Variants in NDUFS6 observed in about 807,000 individuals in gnomAD.
The protein encoded by NDUFS6 is NADH dehydrogenase [ubiquinone] iron-sulfur protein 6, mitochondrial.
A neutral mutation model predicts 13.2 loss-of-function variants in NDUFS6; 14 were observed. The ratio of observed to expected loss-of-function variants is 1.06; its 90% CI spans 0.70 to 1.66. NDUFS6 has a LOEUF of 1.66. NDUFS6 is among the 40% of genes most tolerant of loss of function. The pLI, the probability that NDUFS6 is intolerant of heterozygous loss-of-function variation, is 0.00. For synonymous variants in NDUFS6, 95 were observed against 72.3 expected (o/e 1.31, Z -1.60); for missense variants, 206 against 170.8 (o/e 1.21, Z -1.15).
At chr5:1,802,167 C>T in intron 1 of NDUFS6, 154 bp from the exon 2 acceptor site, 2 of 664,526 alleles carry the variant, frequency 3.0e-6, no homozygotes, top group Non-Finnish European at 5.2e-6. Context: ...CTAAAAATGC[C>T]CCTGATTACA....
intron 2 of NDUFS6, among the ~76,000 whole-genome samples, chr5:1,807,261 T>C (rs1166437262): frequency 1.3e-5 from 2 of 151,154 alleles, no homozygotes; most frequent in Non-Finnish European, 2.9e-5. Context: ...AGGTAGCAAG[T>C]AGTTGGTGGT....
Position 1,814,676 on chromosome 5 carries a change from G to A in NDUFS6, c.309+215G>A. On this transcript the variant is annotated intron_variant, in intron 3 of 3. Transcript: ENST00000274137. The surrounding 1 kb of genome is among the most constrained non-coding windows in gnomAD (Gnocchi z 4.9). ...AAAACCCCCTTTCAACTGTGAAGTG[G>A]TGGGCGGCATGTTTCTCTTCTCGGA... The A allele has an allele frequency of 1.3e-6, 1 of 757,708 alleles. No homozygotes were observed. Among genetic ancestry groups the A allele is most frequent in the East Asian group, 2.7e-5 (1 of 37,522 alleles). The allele number at this position is 757,708 out of a possible 1,614,324, so 46.9% of individuals were successfully genotyped here.
At chr5:1,802,254 A>C in intron 1 of NDUFS6, 67 bp from the exon 2 acceptor site, 2 of 1,398,644 alleles carry the variant, frequency 1.4e-6, no homozygotes, top group Non-Finnish European at 2.0e-6. Context: ...AATATTTATG[A>C]TTGATATGAA....
At chr5:1,802,472 C>T in intron 2 of NDUFS6, 98 bp downstream of exon 2, 1 of 1,004,460 alleles carries the variant, frequency 1.0e-6, no homozygotes, top group Admixed American at 2.2e-5. Flanking sequence ...AATAAATTTT[C>T]CCCATATTGC....
At chr5:1,807,394 G>T (rs1272009275) in intron 2 of NDUFS6, among the ~76,000 whole-genome samples, 8 of 152,200 alleles carry the variant, frequency 5.3e-5, no homozygotes, top group Non-Finnish European at 4.4e-5. Context: ...AATATACGTG[G>T]TGTCCTTAGA....
chr5:1,813,194 G>A (rs1340291540), intron 2 of NDUFS6, among the ~76,000 whole-genome samples: 1 of 152,152 alleles, frequency 6.6e-6, no homozygotes, highest in African/African-American at 2.4e-5. Context: ...TGAAAATCCT[G>A]ATTTTTCAAT....
chr5:1,809,794 C>T (rs190326349), intron 2 of NDUFS6, among the ~76,000 whole-genome samples: 2 of 152,348 alleles, frequency 1.3e-5, no homozygotes, highest in Non-Finnish European at 2.9e-5. Flanking sequence ...AGCAGAACAT[C>T]GCTCACTCCA....
rs1054800676 is a variant in NDUFS6 at position 1,814,792 on chromosome 5, AAAC to A, written c.309+337_309+339del. 8 of 664,860 alleles carry A rather than the reference AAAC, an allele frequency of 1.2e-5. No homozygotes were observed. Among genetic ancestry groups the A allele is most frequent in the Non-Finnish European group, 2.2e-5 (8 of 367,486 alleles). 41.2% of individuals were successfully genotyped at this position (664,860 alleles called of 1,614,324 possible). ...ACACAGCACCGCAGGCTGGGGTCGA[AAAC>A]AACAAACACATTTCCCACAGCGCTG... On this transcript the variant is annotated intron_variant, in intron 3 of 3. Coordinates refer to ENST00000274137, the MANE Select transcript of NDUFS6 (RefSeq NM_004553.6). The surrounding 1 kb of genome is among the most constrained non-coding windows in gnomAD (Gnocchi z 4.9).
In NDUFS6 at chr5:1,814,450, T is replaced by G. The variant is rs2111362355; in HGVS notation, c.298T>G (p.Tyr100Asp). Residue 100 changes from tyrosine to aspartate, a missense_variant, in exon 3 of 4, where the codon TAT (tyrosine) becomes GAT (aspartate). Tyr to Asp is a radical substitution (Grantham distance 160, BLOSUM62 -3). Coordinates refer to ENST00000274137, the MANE Select transcript of NDUFS6 (RefSeq NM_004553.6). The surrounding 1 kb of genome is among the most constrained non-coding windows in gnomAD (Gnocchi z 4.9). Reference sequence around the variant, plus strand: ...GGGAGCTCTTGGCCACCCAAAAGTGTATATAAACTTGGTGCGTAGCTGGCC... The same window carrying G: ...GGGAGCTCTTGGCCACCCAAAAGTGGATATAAACTTGGTGCGTAGCTGGCC... ...GGGALGHPKVYINLDKETKTG... is the reference protein window; with the variant it reads ...GGGALGHPKVDINLDKETKTG... 6.2e-7 allele frequency: 1 copy of G among 1,614,058 alleles called. No homozygotes were observed. The highest frequency in any genetic ancestry group is 8.5e-7 in the Non-Finnish European group (1 of 1,180,012).
In NDUFS6 at chr5:1,814,466, G is replaced by T. The variant is rs763535523; in HGVS notation, c.309+5G>T. 1 of 1,614,052 alleles carries T rather than the reference G, an allele frequency of 6.2e-7. No individual in the cohort carries two copies. Among genetic ancestry groups the T allele is most frequent in the African/African-American group, 1.3e-5 (1 of 74,906 alleles). On this transcript the variant is annotated splice_donor_5th_base_variant and intron_variant, in intron 3 of 3. Transcript: ENST00000274137. This position sits in a 1 kb window ranked among gnomAD's most constrained non-coding sequence, Gnocchi z 4.9. Reference sequence around the variant, plus strand: ...CCAAAAGTGTATATAAACTTGGTGCGTAGCTGGCCACCTGTGCACATGTTA... The same window carrying T: ...CCAAAAGTGTATATAAACTTGGTGCTTAGCTGGCCACCTGTGCACATGTTA...
intron 3 of NDUFS6, among the ~76,000 whole-genome samples, chr5:1,815,236 A>G (rs943719390): frequency 6.6e-6 from 1 of 152,070 alleles, no homozygotes; most frequent in Non-Finnish European, 1.5e-5. Context: ...GGAGGCTGCC[A>G]CAGATCACTC....
In NDUFS6 at chr5:1,815,946, A is replaced by G. The variant is rs1421230519; in HGVS notation, c.*30A>G. The G allele has an allele frequency of 1.2e-6, 2 of 1,613,404 alleles. No homozygotes were observed. Among genetic ancestry groups the G allele is most frequent in the Admixed American group, 3.3e-5 (2 of 60,026 alleles). ...TGTGGCACGCCGGGGGTCCCGCAGC[A>G]TCCTGTGAGCATTTCCGCGGGGAAG... On this transcript the variant is annotated 3_prime_UTR_variant, in exon 4 of 4. Coordinates refer to ENST00000274137, the MANE Select transcript of NDUFS6 (RefSeq NM_004553.6).
chr5:1,802,481 G>T lies in NDUFS6; in HGVS notation c.186+107G>T, dbSNP rs1734064009. ...GATTTAAATAAATTTTCCCCATATT[G>T]CAAGCACCCTAACAGTTCTGGATGG... On this transcript the variant is annotated intron_variant, in intron 2 of 3. Coordinates refer to ENST00000274137, the MANE Select transcript of NDUFS6 (RefSeq NM_004553.6). 5.6e-6 allele frequency: 5 copies of T among 885,176 alleles called. No individual in the cohort carries two copies. In the South Asian group the frequency reaches 8.2e-5, roughly 14 times the overall value. 54.8% of individuals were successfully genotyped at this position (885,176 alleles called of 1,614,324 possible). A position where few individuals can be genotyped will look rare whatever the true frequency, so the allele number is the denominator to read the frequency against.
chr5:1,815,797 T>C, intron 3 of NDUFS6, 54 bp from the exon 4 acceptor site: 1 of 1,546,666 alleles, frequency 6.5e-7, no homozygotes. Flanking sequence ...GCTTAATATC[T>C]AGATTTGAAG....
chr5:1,801,486 G>C lies in NDUFS6; in HGVS notation c.69G>C (p.Leu23=). 1 of 1,603,116 alleles carries C rather than the reference G, an allele frequency of 6.2e-7. No homozygotes were observed. The highest frequency in any genetic ancestry group is 8.5e-7 in the Non-Finnish European group (1 of 1,178,792). Residue 23 remains leucine, a synonymous_variant, in exon 1 of 4, where the codon CTG becomes CTC. Transcript: ENST00000274137. ...RCGEAARSLP[L]GARCFGVRVS... Reference sequence around the variant, plus strand: ...GCGAGGCGGCGCGGAGCCTGCCCCTGGGCGCCAGGTGTTTCGGGGTGCGGG... The same window carrying C: ...GCGAGGCGGCGCGGAGCCTGCCCCTCGGCGCCAGGTGTTTCGGGGTGCGGG...
intron 2 of NDUFS6, among the ~76,000 whole-genome samples, chr5:1,808,128 G>T (rs1734156540): frequency 1.3e-5 from 2 of 152,212 alleles, no homozygotes; most frequent in African/African-American, 4.8e-5. Flanking sequence ...GGTGGCAGAG[G>T]TGGAGCTCTG....
chr5:1,811,548 T>C (rs191734994), intron 2 of NDUFS6, among the ~76,000 whole-genome samples: 1 of 152,348 alleles, frequency 6.6e-6, no homozygotes, highest in Non-Finnish European at 1.5e-5. Flanking sequence ...GTCTCTTATG[T>C]CTCTTTTAAT....
At chr5:1,802,766 C>A (rs1734068724) in intron 2 of NDUFS6, among the ~76,000 whole-genome samples, 1 of 152,140 alleles carries the variant, frequency 6.6e-6, no homozygotes, top group Non-Finnish European at 1.5e-5. Flanking sequence ...CAGGGACTTA[C>A]ACTGACAAGC....
chr5:1,815,007 C>G (rs371899366), intron 3 of NDUFS6, among the ~76,000 whole-genome samples: 3 of 152,178 alleles, frequency 2.0e-5, no homozygotes, highest in South Asian at 2.1e-4. Flanking sequence ...CCTCAGTTTA[C>G]CTTCATCACC....
Sources: gnomAD v4.1 joint callset for allele counts (sites outside exome capture counted in the v4.1 genomes callset) on GRCh38, gnomAD v4.1.1 for gene constraint, Gnocchi (gnomAD v3.1) non-coding constraint, MANE v1.5 for transcripts, NCBI Gene and HGNC (gene_info 2026-07-23, HGNC 2026-07-21) for gene names.